SERPINI1: variants seen among roughly 807,000 people sequenced by gnomAD.
The protein encoded by SERPINI1 is serpin family I member 1.
A neutral mutation model predicts 41.1 loss-of-function variants in SERPINI1; 19 were observed. The ratio of observed to expected loss-of-function variants is 0.46; its 90% confidence interval spans 0.32 to 0.68. The LOEUF is 0.68. Ranked by LOEUF, SERPINI1 falls within the 30% of genes least tolerant of loss-of-function variation. The pLI is 0.03. For synonymous variants in SERPINI1, 138 were observed against 156.6 expected (o/e 0.88, Z 0.89); for missense variants, 460 against 479.2 (o/e 0.96, Z 0.37).
chr3:167,821,698 A>G (rs1382547260), intron 6 of SERPINI1, among the ~76,000 whole-genome samples: 2 of 152,240 alleles, frequency 1.3e-5, no homozygotes, highest in Non-Finnish European at 2.9e-5. Flanking sequence ...CAAAGGCACC[A>G]CTGGCAACAG....
chr3:167,736,168 A>G (rs1014542180), intron 1 of SERPINI1: 3 of 152,224 alleles, frequency 2.0e-5, no homozygotes, highest in Non-Finnish European at 4.4e-5. Context: ...AAATTTTGCT[A>G]TTGATATAGA....
chr3:167,742,238 T>G (rs1725703568), intron 1 of SERPINI1, among the ~76,000 whole-genome samples: 2 of 152,116 alleles, frequency 1.3e-5, no homozygotes, highest in Non-Finnish European at 2.9e-5. Flanking sequence ...TAAAAGCAAA[T>G]TTTTCCTCAC....
intron 1 of SERPINI1, among the ~76,000 whole-genome samples, chr3:167,738,089 G>T (rs1725542650): frequency 6.6e-6 from 1 of 152,028 alleles, no homozygotes; most frequent in Admixed American, 6.6e-5. Context: ...GATTTTTCTT[G>T]ATTGGTGTTG....
At chr3:167,746,371 C>A (rs1335689346) in intron 1 of SERPINI1, among the ~76,000 whole-genome samples, 4 of 152,082 alleles carry the variant, frequency 2.6e-5, no homozygotes, top group African/African-American at 9.7e-5. Context: ...ACAGTAGTTT[C>A]TTAGATATGA....
intron 5 of SERPINI1, among the ~76,000 whole-genome samples, chr3:167,799,202 C>T (rs1727813264): frequency 6.6e-6 from 1 of 152,092 alleles, no homozygotes; most frequent in African/African-American, 2.4e-5. Flanking sequence ...AGGCCCCAAC[C>T]CTCCAACAGG....
At chr3:167,775,802 G>C (rs1726949665) in intron 1 of SERPINI1, among the ~76,000 whole-genome samples, 1 of 152,058 alleles carries the variant, frequency 6.6e-6, no homozygotes, top group Non-Finnish European at 1.5e-5. Context: ...ATACATATTT[G>C]TTGAATGAAT....
intron 5 of SERPINI1, among the ~76,000 whole-genome samples, chr3:167,805,399 T>C (rs1029371429): frequency 6.6e-6 from 1 of 152,218 alleles, no homozygotes; most frequent in Non-Finnish European, 1.5e-5. Flanking sequence ...GGTTGTTTTT[T>C]CTTGTAAATT....
intron 1 of SERPINI1, among the ~76,000 whole-genome samples, chr3:167,781,283 G>A (rs1170756021): frequency 6.6e-6 from 1 of 151,918 alleles, no homozygotes; most frequent in Non-Finnish European, 1.5e-5. Context: ...CAAACACCAT[G>A]ATAAAGTTTT....
chr3:167,755,602 G>A (rs1726168398), intron 1 of SERPINI1, among the ~76,000 whole-genome samples: 1 of 152,110 alleles, frequency 6.6e-6, no homozygotes, highest in African/African-American at 2.4e-5. Context: ...ATCACTGACT[G>A]TTCATACTTG....
chr3:167,757,508 T>TCA (rs10663160), intron 1 of SERPINI1, among the ~76,000 whole-genome samples: 25,567 of 150,882 alleles, frequency 0.17, 2,188 homozygotes, highest in Non-Finnish European at 0.19. Context: ...TCTCTCTCTC[T>TCA]CTCACACACA....
chr3:167,763,357 T>TTG (rs35578479), intron 1 of SERPINI1, among the ~76,000 whole-genome samples: 3,814 of 147,684 alleles, frequency 0.026, 89 homozygotes, highest in African/African-American at 0.053. Context: ...AACCACAGTT[T>TTG]TGTGTGTGTG....
At chr3:167,768,941 T>C (rs1726651064) in intron 1 of SERPINI1, among the ~76,000 whole-genome samples, 1 of 152,170 alleles carries the variant, frequency 6.6e-6, no homozygotes, top group African/African-American at 2.4e-5. Flanking sequence ...CTAAAGCCAG[T>C]ATGCCTGTCT....
chr3:167,790,187 A>G (rs954695424), intron 2 of SERPINI1, among the ~76,000 whole-genome samples, 185 bp from the exon 3 acceptor site: 1 of 152,206 alleles, frequency 6.6e-6, no homozygotes, highest in Non-Finnish European at 1.5e-5. Flanking sequence ...ACTTGCAAAA[A>G]GTTAATTTGA....
chr3:167,766,949 C>G (rs1387135029), intron 1 of SERPINI1, among the ~76,000 whole-genome samples: 1 of 152,214 alleles, frequency 6.6e-6, no homozygotes, highest in Non-Finnish European at 1.5e-5. Flanking sequence ...GGAGAAGCTG[C>G]AGCAAGTTAT....
At chr3:167,821,193 G>A (rs1465704397) in intron 6 of SERPINI1, among the ~76,000 whole-genome samples, 1 of 152,144 alleles carries the variant, frequency 6.6e-6, no homozygotes, top group Non-Finnish European at 1.5e-5. Flanking sequence ...CCCACCAAAT[G>A]GCAGGACTGA....
intron 1 of SERPINI1, among the ~76,000 whole-genome samples, chr3:167,774,700 G>T (rs1305921131): frequency 5.3e-5 from 8 of 152,124 alleles, no homozygotes; most frequent in African/African-American, 1.7e-4. Context: ...GAGGGATCTA[G>T]GTTGTGCACT....
At chr3:167,787,201 G>A (rs1727344416) in intron 1 of SERPINI1, among the ~76,000 whole-genome samples, 1 of 152,116 alleles carries the variant, frequency 6.6e-6, no homozygotes, top group African/African-American at 2.4e-5. Context: ...CACCCATGGA[G>A]CTGTCATCTC....
At chr3:167,817,080 T>G (rs545665294) in intron 6 of SERPINI1, among the ~76,000 whole-genome samples, 92 of 151,612 alleles carry the variant, frequency 6.1e-4, no homozygotes, top group Non-Finnish European at 1.1e-3. Context: ...TTAAGTGGAG[T>G]AGTGGCATAA....
intron 6 of SERPINI1, among the ~76,000 whole-genome samples, chr3:167,819,102 T>A (rs1485950299): frequency 6.6e-6 from 1 of 152,240 alleles, no homozygotes; most frequent in Non-Finnish European, 1.5e-5. Context: ...AGCTGCTAGT[T>A]AATATATTTT....
Sources: gnomAD v4.1 joint callset for allele counts (sites outside exome capture counted in the v4.1 genomes callset) on GRCh38, gnomAD v4.1.1 for gene constraint, MANE v1.5 for transcripts, NCBI Gene and HGNC (gene_info 2026-07-23, HGNC 2026-07-21) for gene names.